KCNQ1OT1: variants seen among roughly 807,000 people sequenced by gnomAD.
The protein encoded by KCNQ1OT1 is KCNQ1 opposite strand/antisense transcript 1.
At chr11:2,643,628 A>C in exon 1 of KCNQ1OT1, 1 of 398,480 alleles carries the variant, frequency 2.5e-6, no homozygotes, top group South Asian at 1.3e-4. Flanking sequence ...TTAAGTAGAA[A>C]GTTTAATCTA....
chr11:2,699,309 C>T (rs1325943187), exon 1 of KCNQ1OT1: 3 of 399,048 alleles, frequency 7.5e-6, no homozygotes, highest in Admixed American at 4.4e-5. Context: ...CTGGGACGGC[C>T]GCGGGGCACA....
At chr11:2,684,384 G>A (rs914365215) in exon 1 of KCNQ1OT1, 7 of 398,574 alleles carry the variant, frequency 1.8e-5, no homozygotes, top group Non-Finnish European at 3.1e-5. Flanking sequence ...ACAAGCTCCA[G>A]TGGGGTCCAT....
Position 2,683,924 on chromosome 11 carries a change from G to A in KCNQ1OT1, n.16071C>T, listed in dbSNP as rs1298161394. On this transcript the variant is annotated non_coding_transcript_exon_variant, in exon 1 of 1. Transcript: ENST00000597346. This position sits in a 1 kb window ranked among gnomAD's most constrained non-coding sequence, Gnocchi z 4.7. ...GCCAAAGGTGCATGCTCTGTGACAC[G>A]TTTCATAGTCAGACAAAACCAGCTG... The A allele has an allele frequency of 1.8e-5, 7 of 395,426 alleles. No individual in the cohort carries two copies. The highest frequency in any genetic ancestry group is 1.3e-4 in the South Asian group (1 of 7,748). The allele number at this position is 395,426 out of a possible 1,614,324, so 24.5% of individuals were successfully genotyped here. A position where few individuals can be genotyped will look rare whatever the true frequency, so the allele number is the denominator to read the frequency against.
chr11:2,619,271 C>T (rs1278118722), exon 1 of KCNQ1OT1: 1 of 398,262 alleles, frequency 2.5e-6, no homozygotes, highest in East Asian at 3.6e-5. Context: ...AGTAGAAGGG[C>T]TTCTGTTTTC....
chr11:2,619,221 T>C, exon 1 of KCNQ1OT1: 1 of 398,550 alleles, frequency 2.5e-6, no homozygotes, highest in Non-Finnish European at 4.4e-6. Flanking sequence ...TGTTGAGTAG[T>C]AGTAGCTAGA....
chr11:2,679,215 G>A lies in KCNQ1OT1; in HGVS notation n.20780C>T, dbSNP rs1400365263. Reference sequence around the variant, plus strand: ...TGTAACAATGCAGCCCCATCCATGTGAAGCTGGTCCAGAGGACTACAGCTG... The same window carrying A: ...TGTAACAATGCAGCCCCATCCATGTAAAGCTGGTCCAGAGGACTACAGCTG... On this transcript the variant is annotated non_coding_transcript_exon_variant, in exon 1 of 1. Transcript: ENST00000597346. The surrounding 1 kb of genome is among the most constrained non-coding windows in gnomAD (Gnocchi z 4.8). 2.5e-6 allele frequency: 1 copy of A among 398,518 alleles called. No homozygotes were observed. Among genetic ancestry groups the A allele is most frequent in the Non-Finnish European group, 4.4e-6 (1 of 226,104 alleles). The allele number at this position is 398,518 out of a possible 1,614,324, so 24.7% of individuals were successfully genotyped here.
At position 2,663,289 on chromosome 11, in the gene KCNQ1OT1, C is replaced by G; in HGVS notation, n.36706G>C. ...GACACCCTGAGAATAGGGCTCTGAG[C>G]TTCTGGGCCCCTCCTGGCTGGGTAA... On this transcript the variant is annotated non_coding_transcript_exon_variant, in exon 1 of 1. Transcript: ENST00000597346. The surrounding 1 kb of genome is among the most constrained non-coding windows in gnomAD (Gnocchi z 5.2). The G allele has an allele frequency of 2.5e-6, 1 of 398,798 alleles. No individual in the cohort carries two copies. The highest frequency in any genetic ancestry group is 4.4e-6 in the Non-Finnish European group (1 of 226,212). 24.7% of individuals were successfully genotyped at this position (398,798 alleles called of 1,614,324 possible).
chr11:2,666,943 C>T (rs1850082548), exon 1 of KCNQ1OT1: 2 of 398,760 alleles, frequency 5.0e-6, no homozygotes, highest in East Asian at 7.1e-5. Flanking sequence ...CCTCTGTCTG[C>T]ACGAGATGCC....
chr11:2,697,341 C>T (rs1850694768), exon 1 of KCNQ1OT1: 1 of 398,486 alleles, frequency 2.5e-6, no homozygotes, highest in African/African-American at 2.1e-5. Flanking sequence ...ATGAGCTACA[C>T]TAAGTTTTAT....
exon 1 of KCNQ1OT1, chr11:2,665,687 G>A: frequency 2.5e-6 from 1 of 398,208 alleles, no homozygotes; most frequent in Non-Finnish European, 4.4e-6. Context: ...ATGGTGCCAG[G>A]AGGGAGAAGG....
chr11:2,670,705 G>C lies in KCNQ1OT1; in HGVS notation n.29290C>G, dbSNP rs879239826. 3.0e-5 allele frequency: 12 copies of C among 398,532 alleles called. No individual in the cohort carries two copies. Among genetic ancestry groups the C allele is most frequent in the Admixed American group, 2.6e-4 (6 of 22,698 alleles). 24.7% of individuals were successfully genotyped at this position (398,532 alleles called of 1,614,324 possible). On this transcript the variant is annotated non_coding_transcript_exon_variant, in exon 1 of 1. Transcript: ENST00000597346. The surrounding 1 kb of genome is among the most constrained non-coding windows in gnomAD (Gnocchi z 4.9). ...AGTAACAAGACAAAGGGATTCTGTG[G>C]CCCATGGAGCAGGAGGGAACAGTCT... is the stretch of plus-strand genomic sequence containing the variant.
At position 2,651,256 on chromosome 11, in the gene KCNQ1OT1, T is replaced by C; in HGVS notation, n.48739A>G. 1 of 398,690 alleles carries C rather than the reference T, an allele frequency of 2.5e-6. No individual in the cohort carries two copies. The highest frequency in any genetic ancestry group is 2.1e-5 in the African/African-American group (1 of 48,778). 24.7% of individuals were successfully genotyped at this position (398,690 alleles called of 1,614,324 possible). On this transcript the variant is annotated non_coding_transcript_exon_variant, in exon 1 of 1. Coordinates refer to ENST00000597346, the Ensembl canonical transcript of KCNQ1OT1. The surrounding 1 kb of genome is among the most constrained non-coding windows in gnomAD (Gnocchi z 6.1). ...ACACAGCTTAATTCAGGAATTAAGC[T>C]GTGCTGGTCACTTATTGAGAAAGAG...
At position 2,691,156 on chromosome 11, in the gene KCNQ1OT1, C is replaced by A. The variant is rs1474273526; in HGVS notation, n.8839G>T. 5.0e-6 allele frequency: 2 copies of A among 398,518 alleles called. No individual in the cohort carries two copies. The highest frequency in any genetic ancestry group is 4.1e-5 in the African/African-American group (2 of 48,630). 24.7% of individuals were successfully genotyped at this position (398,518 alleles called of 1,614,324 possible). ...TGCAGAGTCTGTGCTGGCCTCTGGC[C>A]TCTCACAGCCTTGGGAGGGGTGCTC... On this transcript the variant is annotated non_coding_transcript_exon_variant, in exon 1 of 1. Coordinates refer to ENST00000597346, the Ensembl canonical transcript of KCNQ1OT1. The surrounding 1 kb of genome is among the most constrained non-coding windows in gnomAD (Gnocchi z 6.4).
At chr11:2,699,251 G>C in exon 1 of KCNQ1OT1, 1 of 398,834 alleles carries the variant, frequency 2.5e-6, no homozygotes, top group Non-Finnish European at 4.4e-6. Context: ...ATAAGGTGCA[G>C]ATGGGAGCGC....
exon 1 of KCNQ1OT1, chr11:2,667,722 C>T (rs1444968807): frequency 1.3e-5 from 5 of 398,608 alleles, no homozygotes; most frequent in South Asian, 1.3e-4. Context: ...AAGCCGTGTC[C>T]CCTTAAGTGA....
At chr11:2,619,546 G>C in exon 1 of KCNQ1OT1, 1 of 398,448 alleles carries the variant, frequency 2.5e-6, no homozygotes, top group South Asian at 1.3e-4. Flanking sequence ...TCTTTTTGAT[G>C]TATTGTTAAA....
Position 2,620,211 on chromosome 11 carries a change from A to ATATATATAT in KCNQ1OT1, n.79783_79784insATATATATA, listed in dbSNP as rs1383035176. On this transcript the variant is annotated non_coding_transcript_exon_variant, in exon 1 of 1. Coordinates refer to ENST00000597346, the Ensembl canonical transcript of KCNQ1OT1. This position sits in a 1 kb window ranked among gnomAD's most constrained non-coding sequence, Gnocchi z 4.5. ...TAAGTTCATTCATGTATATATATAT[A>ATATATATAT]TTTTTTTTTTTTATTTTTTTTTTAG... 15 of 261,918 alleles carry ATATATATAT rather than the reference A, an allele frequency of 5.7e-5. No individual in the cohort carries two copies. The highest frequency in any genetic ancestry group is 9.4e-5 in the Non-Finnish European group (14 of 149,542). 16.2% of individuals were successfully genotyped at this position (261,918 alleles called of 1,614,324 possible).
exon 1 of KCNQ1OT1, chr11:2,638,079 C>A (rs919215337): frequency 6.6e-6 from 1 of 152,150 alleles, no homozygotes; most frequent in South Asian, 2.1e-4. Flanking sequence ...TGTCTCTGCA[C>A]GTGAGATGGG....
At position 2,674,167 on chromosome 11, in the gene KCNQ1OT1, CAAGGCTGGGT is replaced by C; in HGVS notation, n.25818_25827del. On this transcript the variant is annotated non_coding_transcript_exon_variant, in exon 1 of 1. Coordinates refer to ENST00000597346, the Ensembl canonical transcript of KCNQ1OT1. This position sits in a 1 kb window ranked among gnomAD's most constrained non-coding sequence, Gnocchi z 5.9. ...GGCTCAGGAAGGGAAGGAATGTGAC[CAAGGCTGGGT>C]GTGGCTGGGGAGAGCACAGCCAGTT... is the stretch of plus-strand genomic sequence containing the variant. 2.5e-6 allele frequency: 1 copy of C among 398,638 alleles called. No homozygotes were observed. The highest frequency in any genetic ancestry group is 2.1e-5 in the African/African-American group (1 of 48,736). The allele number at this position is 398,638 out of a possible 1,614,324, so 24.7% of individuals were successfully genotyped here.
Sources: allele counts gnomAD v4.1 joint callset, GRCh38; gene constraint gnomAD v4.1.1; non-coding constraint Gnocchi (gnomAD v3.1); transcripts MANE v1.5; gene names NCBI Gene and HGNC (gene_info 2026-07-23, HGNC 2026-07-21).